TCF12: variants seen among roughly 807,000 people sequenced by gnomAD.
The protein encoded by TCF12 is DNA-binding protein HTF4.
In TCF12, 45 loss-of-function variants were observed where a neutral mutation model predicts 86.0. The ratio of observed to expected loss-of-function variants is 0.52; its 90% confidence interval spans 0.41 to 0.67. The LOEUF (loss-of-function observed/expected upper bound fraction) is 0.67. TCF12 is among the 30% of genes least tolerant of loss of function. The probability of loss-of-function intolerance (pLI) is 0.00; values close to 1 mark genes in which losing one functional copy is unlikely to be tolerated. For missense variants in TCF12, 881 were observed against 859.9 expected, an observed-to-expected ratio of 1.02 and a Z score of -0.31; for synonymous variants, 330 against 299.6, an observed-to-expected ratio of 1.10 and a Z score of -1.05.
At chr15:57,073,081 C>G (rs1435270051) in intron 4 of TCF12, among the ~76,000 whole-genome samples, 4 of 152,136 alleles carry the variant, frequency 2.6e-5, no homozygotes, top group African/African-American at 9.7e-5. Context: ...ACTAGCCTTT[C>G]TTCCTGGGGA....
chr15:57,178,824 C>G (rs2056136827), intron 6 of TCF12, among the ~76,000 whole-genome samples: 2 of 152,198 alleles, frequency 1.3e-5, no homozygotes, highest in Non-Finnish European at 2.9e-5. Context: ...GGAAGTTGGA[C>G]TTTTTATGGA....
intron 5 of TCF12, among the ~76,000 whole-genome samples, chr15:57,096,081 G>T (rs2920270): frequency 0.82 from 124,665 of 152,108 alleles, 51,615 homozygotes; most frequent in African/African-American, 0.94. Flanking sequence ...TTTCTTCATA[G>T]CTCAGATTTT....
intron 3 of TCF12, among the ~76,000 whole-genome samples, chr15:57,020,677 CAT>C (rs2065423684): frequency 6.6e-6 from 1 of 152,210 alleles, no homozygotes; most frequent in South Asian, 2.1e-4. Context: ...ACGAAATAAA[CAT>C]ATATTGTTTA....
At chr15:56,938,401 C>T (rs2060577890) in intron 3 of TCF12, among the ~76,000 whole-genome samples, 1 of 151,838 alleles carries the variant, frequency 6.6e-6, no homozygotes, top group African/African-American at 2.4e-5. Context: ...CCTTGTGATC[C>T]CCCTGCCTCA....
chr15:56,975,534 A>G (rs2062552713), intron 3 of TCF12, among the ~76,000 whole-genome samples: 2 of 152,196 alleles, frequency 1.3e-5, no homozygotes, highest in African/African-American at 4.8e-5. Context: ...TTCTAAAAAA[A>G]TGAATTTACC....
At chr15:57,066,447 C>G (rs1224475454) in intron 4 of TCF12, among the ~76,000 whole-genome samples, 1 of 151,940 alleles carries the variant, frequency 6.6e-6, no homozygotes, top group African/African-American at 2.4e-5. Context: ...GCAGATACTT[C>G]AGTAGAAATC....
chr15:57,227,736 T>C (rs1463652575), intron 8 of TCF12, among the ~76,000 whole-genome samples: 4 of 152,100 alleles, frequency 2.6e-5, no homozygotes, highest in Non-Finnish European at 4.4e-5. Flanking sequence ...GGGGAAAGTA[T>C]AAGTGCTTGG....
At chr15:57,131,421 G>C (rs2052108102) in intron 5 of TCF12, among the ~76,000 whole-genome samples, 1 of 152,130 alleles carries the variant, frequency 6.6e-6, no homozygotes, top group Non-Finnish European at 1.5e-5. Flanking sequence ...TGGGGGATGG[G>C]TGGGTAACAT....
intron 3 of TCF12, among the ~76,000 whole-genome samples, chr15:56,986,785 CGTT>C (rs1377726141): frequency 1.3e-5 from 2 of 151,968 alleles, no homozygotes; most frequent in African/African-American, 4.8e-5. Context: ...AAAATTGTCT[CGTT>C]AGATTTGTAA....
intron 5 of TCF12, among the ~76,000 whole-genome samples, chr15:57,104,850 T>C (rs796881695): frequency 6.7e-6 from 1 of 149,240 alleles, no homozygotes; most frequent in African/African-American, 2.5e-5. Flanking sequence ...ATCTTGCTGG[T>C]CTTTGGTGGT....
At chr15:57,231,365 A>T (rs373417470) in intron 9 of TCF12, 108 bp downstream of exon 9, 2 of 743,362 alleles carry the variant, frequency 2.7e-6, no homozygotes, top group African/African-American at 1.8e-5. Context: ...TTATTTAGGC[A>T]TTTTTTTTGG....
At chr15:57,216,563 T>TAAAAA (rs5812872) in intron 8 of TCF12, among the ~76,000 whole-genome samples, 1 of 129,074 alleles carries the variant, frequency 7.7e-6, no homozygotes, top group Non-Finnish European at 1.6e-5. Context: ...CATGTTCCTT[T>TAAAAA]AAAAAAAAAA....
At chr15:57,220,857 G>A (rs2058557817) in intron 8 of TCF12, among the ~76,000 whole-genome samples, 1 of 152,058 alleles carries the variant, frequency 6.6e-6, no homozygotes, top group African/African-American at 2.4e-5. Flanking sequence ...TTTACCCTCA[G>A]GTGTCTTATG....
At chr15:57,018,709 A>G (rs892746262) in intron 3 of TCF12, among the ~76,000 whole-genome samples, 1 of 152,130 alleles carries the variant, frequency 6.6e-6, no homozygotes, top group Non-Finnish European at 1.5e-5. Context: ...CCAAAGGGCT[A>G]GGATTACAGG....
chr15:57,078,049 A>G (rs1340136861), intron 4 of TCF12, among the ~76,000 whole-genome samples: 1 of 152,204 alleles, frequency 6.6e-6, no homozygotes, highest in African/African-American at 2.4e-5. Flanking sequence ...GGTACGTAGT[A>G]TGTACTCAAT....
chr15:57,066,519 A>G (rs906523288), intron 4 of TCF12, among the ~76,000 whole-genome samples: 6 of 152,168 alleles, frequency 3.9e-5, no homozygotes, highest in African/African-American at 1.4e-4. Flanking sequence ...CTATCAGCAG[A>G]TTCCATTATT....
At chr15:57,152,552 A>C (rs1392772707) in intron 5 of TCF12, among the ~76,000 whole-genome samples, 1 of 152,202 alleles carries the variant, frequency 6.6e-6, no homozygotes, top group East Asian at 1.9e-4. Flanking sequence ...TAAAAAAAAA[A>C]ACAGAGGTAA....
In TCF12 at chr15:57,287,140, A is replaced by G. The variant is rs1031828859; in HGVS notation, c.*995A>G. ...TTGTTTTCCAAGCAGTAAGTACTAC[A>G]TACAGTACTTGTAAAGTGTTAGCTG... On this transcript the variant is annotated 3_prime_UTR_variant, in exon 21 of 21. Coordinates refer to ENST00000333725, the MANE Select transcript of TCF12 (RefSeq NM_207037.2). 5.7e-5 allele frequency: 9 copies of G among 158,016 alleles called. No homozygotes were observed. Among genetic ancestry groups the G allele is most frequent in the Non-Finnish European group, 1.1e-4 (8 of 70,920 alleles). The allele number at this position is 158,016 out of a possible 1,614,324, so 9.8% of individuals were successfully genotyped here.
At chr15:57,084,770 G>C (rs1408169470) in intron 4 of TCF12, among the ~76,000 whole-genome samples, 3 of 151,800 alleles carry the variant, frequency 2.0e-5, no homozygotes, top group African/African-American at 7.3e-5. Context: ...GGAGAAAATT[G>C]TATATTAATT....
Sources: allele counts gnomAD v4.1 joint callset (sites outside exome capture counted in the v4.1 genomes callset), GRCh38; gene constraint gnomAD v4.1.1; transcripts MANE v1.5; gene names NCBI Gene and HGNC (gene_info 2026-07-23, HGNC 2026-07-21).